The following TENM3 variants were observed in gnomAD, a reference collection of about 807,000 sequenced individuals.
TENM3 encodes teneurin-3.
A neutral mutation model predicts 255.1 loss-of-function variants in TENM3; 63 were observed. The ratio of observed to expected loss-of-function variants is 0.25; its 90% CI spans 0.20 to 0.30. TENM3 has a LOEUF of 0.30. Ranked by LOEUF, TENM3 falls within the 10% of genes least tolerant of loss-of-function variation. The pLI, the probability that TENM3 is intolerant of heterozygous loss-of-function variation, is 1.00. For synonymous variants in TENM3, 1,306 were observed against 1,322.3 expected (o/e 0.99, Z 0.27); for missense variants, 2,929 against 3,461.1 (o/e 0.85, Z 3.86).
At chr4:182,503,727 G>A (rs1736542159) in intron 3 of TENM3, among the ~76,000 whole-genome samples, 1 of 152,094 alleles carries the variant, frequency 6.6e-6, no homozygotes, top group Non-Finnish European at 1.5e-5. Flanking sequence ...GTGTAGCTGT[G>A]ACACACCCTG....
the TENM3 span, among the ~76,000 whole-genome samples, chr4:182,100,600 C>CATATACACACATATATATACACACAT: frequency 9.0e-5 from 2 of 22,148 alleles, no homozygotes; most frequent in African/African-American, 1.9e-4. Context: ...CATATATACA[C>CATATACACACATATATATACACACAT]ATATATACAC....
chr4:181,622,302 A>C, the TENM3 span, among the ~76,000 whole-genome samples: 1 of 152,174 alleles, frequency 6.6e-6, no homozygotes, highest in Admixed American at 6.5e-5. Context: ...TGTACTCACC[A>C]AACACAATAC....
the TENM3 span, among the ~76,000 whole-genome samples, chr4:181,995,036 C>T: frequency 6.6e-6 from 1 of 152,120 alleles, no homozygotes; most frequent in Non-Finnish European, 1.5e-5. Context: ...TGCCTGTAAT[C>T]CCAGCACTTT....
chr4:182,322,696 AAGAG>A lies in TENM3; in HGVS notation c.-75-1244_-75-1241del, dbSNP rs138679761. On this transcript the variant is annotated intron_variant, in intron 1 of 27. Coordinates refer to ENST00000511685, the MANE Select transcript of TENM3 (RefSeq NM_001080477.4). The stretch of plus-strand genomic sequence containing the variant: ...TGCATGCTCGAGAGAGTGGGGGAGA[AAGAG>A]AGAGACAGTCAGAGACAGAGACAGA... Among the ~76,000 whole-genome samples, 247 of 152,284 alleles carry A rather than the reference AAGAG, an allele frequency of 1.6e-3. 2 individuals are homozygous for A. Among genetic ancestry groups the A allele is most frequent in the African/African-American group, 5.4e-3 (223 of 41,568 alleles).
At chr4:182,186,805 A>T (rs1238559293) in intron 1 of TENM3, among the ~76,000 whole-genome samples, 2 of 77,508 alleles carry the variant, frequency 2.6e-5, no homozygotes, top group Non-Finnish European at 4.9e-5. Flanking sequence ...ATATATATAT[A>T]TATATATATG....
At chr4:182,118,136 A>G in the TENM3 span, among the ~76,000 whole-genome samples, 2 of 152,098 alleles carry the variant, frequency 1.3e-5, no homozygotes, top group Non-Finnish European at 2.9e-5. Flanking sequence ...AATAATTATA[A>G]TTATGATGAT....
the TENM3 span, chr4:181,906,024 G>T: frequency 2.2e-6 from 1 of 449,622 alleles, no homozygotes; most frequent in South Asian, 2.0e-5. Flanking sequence ...TCGTAACAGT[G>T]ACAAGCAAGT....
At chr4:182,119,414 A>T in the TENM3 span, among the ~76,000 whole-genome samples, 3 of 152,070 alleles carry the variant, frequency 2.0e-5, no homozygotes, top group Non-Finnish European at 4.4e-5. Flanking sequence ...GGCCACACGG[A>T]GCCTTCAGCA....
At chr4:181,834,152 A>AT in the TENM3 span, among the ~76,000 whole-genome samples, 1 of 150,852 alleles carries the variant, frequency 6.6e-6, no homozygotes, top group East Asian at 1.9e-4. Context: ...ATGGAAGGGG[A>AT]TTTTTTTGGC....
chr4:182,238,661 GA>G (rs200154498), upstream of TENM3, among the ~76,000 whole-genome samples: 420 of 152,326 alleles, frequency 2.8e-3, 13 homozygotes, highest in East Asian at 0.076. Context: ...ATAAGTGAAG[GA>G]ATGTTTCCCT....
At chr4:182,755,474 C>G in intron 22 of TENM3, 4 of 491,522 alleles carry the variant, frequency 8.1e-6, no homozygotes, top group Non-Finnish European at 1.4e-5. Flanking sequence ...CCCAGGACTT[C>G]GAGGCCACAG....
intron 2 of TENM3, among the ~76,000 whole-genome samples, chr4:182,334,990 T>G (rs1381422432): frequency 6.6e-6 from 1 of 152,036 alleles, no homozygotes; most frequent in East Asian, 1.9e-4. Flanking sequence ...TTAAGGCATC[T>G]CTCTATCTTT....
the TENM3 span, among the ~76,000 whole-genome samples, chr4:182,015,155 A>G: frequency 6.6e-6 from 1 of 152,166 alleles, no homozygotes; most frequent in Non-Finnish European, 1.5e-5. Context: ...GTTCGCGGCC[A>G]TCGTCACAGC....
At chr4:181,636,325 G>T in the TENM3 span, among the ~76,000 whole-genome samples, 1 of 152,160 alleles carries the variant, frequency 6.6e-6, no homozygotes, top group African/African-American at 2.4e-5. Flanking sequence ...TTACAGGTGT[G>T]AGCCACCGCC....
chr4:181,820,482 T>C, the TENM3 span, among the ~76,000 whole-genome samples: 49 of 115,252 alleles, frequency 4.3e-4, no homozygotes, highest in Admixed American at 7.9e-4. Context: ...AGAAATTTTC[T>C]TTAAACACAC....
intron 3 of TENM3, among the ~76,000 whole-genome samples, chr4:182,372,468 C>A (rs1766892799): frequency 6.6e-6 from 1 of 151,990 alleles, no homozygotes; most frequent in Non-Finnish European, 1.5e-5. Flanking sequence ...TATCATAATT[C>A]CTTCTATTTC....
chr4:181,660,203 C>A, the TENM3 span, among the ~76,000 whole-genome samples: 2 of 152,238 alleles, frequency 1.3e-5, no homozygotes, highest in Non-Finnish European at 2.9e-5. Context: ...TCTTGAAAGA[C>A]AATTAATATC....
the TENM3 span, among the ~76,000 whole-genome samples, chr4:181,456,127 ATGTGTG>A: frequency 7.1e-6 from 1 of 141,648 alleles, no homozygotes; most frequent in South Asian, 2.3e-4. Flanking sequence ...ATATATATAT[ATGTGTG>A]TGTGTGTGTG....
chr4:181,913,319 G>A, the TENM3 span, among the ~76,000 whole-genome samples: 2 of 152,196 alleles, frequency 1.3e-5, no homozygotes, highest in African/African-American at 2.4e-5. Context: ...TGGTCCTGTT[G>A]GAAGTAAATG....
Sources: allele counts gnomAD v4.1 joint callset (sites outside exome capture counted in the v4.1 genomes callset), GRCh38; gene constraint gnomAD v4.1.1; transcripts MANE v1.5; gene names NCBI Gene and HGNC (gene_info 2026-07-23, HGNC 2026-07-21).